EMCN: variants seen among roughly 807,000 people sequenced by gnomAD.
EMCN encodes the protein endomucin, also known as MUC-14.
EMCN carries 37 observed loss-of-function variants against 38.4 expected under a neutral mutation model. The ratio of observed to expected loss-of-function variants is 0.96; its 90% CI spans 0.74 to 1.27. The LOEUF is 1.27. EMCN is among the 50% of genes most tolerant of loss of function. EMCN has a pLI of 0.00. For missense variants in EMCN, 318 were observed against 302.8 expected (o/e 1.05, Z -0.37); for synonymous variants, 95 against 100.8 (o/e 0.94, Z 0.35).
chr4:100,423,876 G>T (rs997740068), intron 5 of EMCN, among the ~76,000 whole-genome samples: 2 of 152,018 alleles, frequency 1.3e-5, no homozygotes, highest in African/African-American at 4.8e-5. Flanking sequence ...TGAGGCTTTG[G>T]TTAGAAGAAT....
intron 2 of EMCN, among the ~76,000 whole-genome samples, chr4:100,477,859 C>T (rs1481008813): frequency 4.6e-5 from 7 of 151,954 alleles, no homozygotes; most frequent in Admixed American, 4.6e-4. Flanking sequence ...GTGTATAAAA[C>T]TCCTCCAAAT....
chr4:100,497,205 A>T (rs1560641040), intron 1 of EMCN, among the ~76,000 whole-genome samples: 1 of 151,292 alleles, frequency 6.6e-6, no homozygotes, highest in African/African-American at 2.4e-5. Context: ...TAATCTAGCT[A>T]GACTTGAGTA....
intron 9 of EMCN, 110 bp from the exon 10 acceptor site, chr4:100,416,069 A>G: frequency 1.7e-6 from 1 of 595,142 alleles, no homozygotes; most frequent in South Asian, 2.3e-5. Context: ...ATATATATAT[A>G]TAATGTGTGT....
At chr4:100,404,453 G>A (rs1383684753) in intron 11 of EMCN, among the ~76,000 whole-genome samples, 1 of 152,058 alleles carries the variant, frequency 6.6e-6, no homozygotes, top group African/African-American at 2.4e-5. Flanking sequence ...ACTAGTTACT[G>A]TAGAGTTGTA....
chr4:100,456,240 T>C (rs1182888270), intron 4 of EMCN, among the ~76,000 whole-genome samples: 2 of 152,210 alleles, frequency 1.3e-5, no homozygotes, highest in African/African-American at 2.4e-5. Context: ...TTATCTAGTT[T>C]CTATTGTTAT....
At chr4:100,441,127 A>G (rs1240541163) in intron 5 of EMCN, among the ~76,000 whole-genome samples, 1 of 151,834 alleles carries the variant, frequency 6.6e-6, no homozygotes, top group Non-Finnish European at 1.5e-5. Context: ...CTTCAATATT[A>G]TAATATTGCT....
chr4:100,470,378 T>TAAAA (rs34533710), intron 3 of EMCN, among the ~76,000 whole-genome samples: 113,319 of 145,486 alleles, frequency 0.78, 46,308 homozygotes, highest in South Asian at 0.94. Flanking sequence ...ACTAAAATGT[T>TAAAA]AAAAAAAAAA....
intron 11 of EMCN, among the ~76,000 whole-genome samples, chr4:100,398,688 C>T (rs1049198722): frequency 6.6e-6 from 1 of 152,208 alleles, no homozygotes; most frequent in East Asian, 1.9e-4. Flanking sequence ...TATTCTTCCT[C>T]ACTCCCCATT....
chr4:100,458,435 G>A (rs1440219589), intron 4 of EMCN, among the ~76,000 whole-genome samples: 1 of 152,064 alleles, frequency 6.6e-6, no homozygotes, highest in Non-Finnish European at 1.5e-5. Context: ...ATTCCCTAAT[G>A]TGTCTACAAA....
chr4:100,479,201 A>G (rs1728741542), intron 2 of EMCN, among the ~76,000 whole-genome samples: 1 of 152,058 alleles, frequency 6.6e-6, no homozygotes, highest in African/African-American at 2.4e-5. Flanking sequence ...AAGATATATG[A>G]TTTTCTGGGG....
chr4:100,437,654 A>G (rs72923839), intron 5 of EMCN, among the ~76,000 whole-genome samples: 4,714 of 152,218 alleles, frequency 0.031, 259 homozygotes, highest in African/African-American at 0.11. Flanking sequence ...CATTTAGTGA[A>G]AAGACTATCA....
intron 4 of EMCN, among the ~76,000 whole-genome samples, chr4:100,463,652 A>G (rs1366544845): frequency 2.6e-5 from 4 of 152,218 alleles, no homozygotes; most frequent in African/African-American, 2.4e-5. Flanking sequence ...TTTAGAGTCA[A>G]TCCCCACTCC....
At chr4:100,437,467 A>AAT in intron 5 of EMCN, among the ~76,000 whole-genome samples, 1 of 151,644 alleles carries the variant, frequency 6.6e-6, no homozygotes, top group East Asian at 1.9e-4. Flanking sequence ...ATATAAAAAA[A>AAT]AAATCATTTC....
intron 1 of EMCN, among the ~76,000 whole-genome samples, chr4:100,491,860 A>G (rs1485071135): frequency 2.0e-5 from 3 of 152,212 alleles, no homozygotes. Context: ...GTTGTTACCA[A>G]CTGGTTCATC....
At chr4:100,414,209 C>CA in intron 10 of EMCN, among the ~76,000 whole-genome samples, 1 of 152,130 alleles carries the variant, frequency 6.6e-6, no homozygotes, top group Non-Finnish European at 1.5e-5. Flanking sequence ...AACATGACTG[C>CA]AGAGGGTTTG....
rs564696380 is a variant in EMCN at position 100,409,976 on chromosome 4, T to C, written c.*39+306A>G. On this transcript the variant is annotated intron_variant, in intron 11 of 11. Transcript: ENST00000296420. ...GCCTGTCTAAGTGCCACAGTTAGTGTGTGCTTACTGACCTAGGTAGGCAGA... is the reference window on the plus strand; with the variant it reads ...GCCTGTCTAAGTGCCACAGTTAGTGCGTGCTTACTGACCTAGGTAGGCAGA... Among the ~76,000 whole-genome samples, 5 of 152,240 alleles carry C rather than the reference T, an allele frequency of 3.3e-5. 1 individual carries two copies. Among genetic ancestry groups the C allele is most frequent in the Admixed American group, 6.5e-5 (1 of 15,278 alleles).
At chr4:100,474,933 G>C (rs910586980) in intron 3 of EMCN, 105 bp downstream of exon 3, 2 of 474,652 alleles carry the variant, frequency 4.2e-6, no homozygotes, top group Non-Finnish European at 7.1e-6. Context: ...GTAAAATCTT[G>C]TTAAAATACT....
chr4:100,410,220 T>C (rs1578392731), intron 11 of EMCN, 62 bp downstream of exon 11: 16 of 1,118,248 alleles, frequency 1.4e-5, no homozygotes, highest in Non-Finnish European at 2.2e-5. Flanking sequence ...CAATCTAAGC[T>C]GCACCAGGCT....
intron 1 of EMCN, among the ~76,000 whole-genome samples, chr4:100,496,904 T>C (rs1729220848): frequency 6.6e-6 from 1 of 152,126 alleles, no homozygotes; most frequent in Non-Finnish European, 1.5e-5. Flanking sequence ...TCCAAATCAG[T>C]CATGAAGGAT....
Sources: gnomAD v4.1 joint callset for allele counts (sites outside exome capture counted in the v4.1 genomes callset) on GRCh38, gnomAD v4.1.1 for gene constraint, MANE v1.5 for transcripts, NCBI Gene and HGNC (gene_info 2026-07-23, HGNC 2026-07-21) for gene names.